The following SCN11A variants were observed in gnomAD, a reference collection of about 807,000 sequenced individuals.
SCN11A encodes sodium voltage-gated channel alpha subunit 11.
SCN11A carries 122 observed loss-of-function variants against 162.2 expected under a neutral mutation model. The ratio of observed to expected loss-of-function variants is 0.75; its 90% CI spans 0.65 to 0.87. The LOEUF (loss-of-function observed/expected upper bound fraction) is 0.87. SCN11A is among the 40% of genes least tolerant of loss of function. The pLI is 0.00. For missense variants in SCN11A, 2,015 were observed against 2,181.6 expected, an observed-to-expected ratio of 0.92 and a Z score of 1.52; for synonymous variants, 758 against 751.5, an observed-to-expected ratio of 1.01 and a Z score of -0.14.
chr3:38,926,774 C>T lies in SCN11A; in HGVS notation c.617+29G>A, dbSNP rs201958672. Reference sequence around the variant, plus strand: ...AAGGGGCTTCTTTCCCACTCCAAGTCTCTTCAAAAACATCTTTAATATTCT... The same window carrying T: ...AAGGGGCTTCTTTCCCACTCCAAGTTTCTTCAAAAACATCTTTAATATTCT... On this transcript the variant is annotated intron_variant, in intron 8 of 29. Transcript: ENST00000302328. The T allele has an allele frequency of 2.5e-5, 40 of 1,607,690 alleles. 1 individual carries two copies. In the East Asian group the frequency reaches 8.9e-4, roughly 36 times the overall value.
In SCN11A at chr3:38,921,197, A is replaced by G. The variant is rs765374120; in HGVS notation, c.771T>C (p.Ile257=). Residue 257 remains isoleucine, a synonymous_variant, in exon 10 of 30, where the codon ATT becomes ATC. Transcript: ENST00000302328. The stretch of plus-strand genomic sequence containing the variant: ...TGCTGAGGCAAAAGAAGGTGAGGAT[A>G]ATCACGTTGACCAGCTTCTTCACAG... The part of the protein sequence containing the change: ...LRSVKKLVNV[I]ILTFFCLSIF... 1 of 1,614,122 alleles carries G rather than the reference A, an allele frequency of 6.2e-7. No homozygotes were observed. The highest frequency in any genetic ancestry group is 8.5e-7 in the Non-Finnish European group (1 of 1,179,956).
Position 38,946,726 on chromosome 3 carries a change from A to G in SCN11A, c.386+63T>C, listed in dbSNP as rs930487003. 20 of 1,044,946 alleles carry G rather than the reference A, an allele frequency of 1.9e-5. No homozygotes were observed. The Admixed American group carries it at 4.0e-4, about 21-fold the overall frequency. The allele number at this position is 1,044,946 out of a possible 1,614,324, so 64.7% of individuals were successfully genotyped here. On this transcript the variant is annotated intron_variant, in intron 6 of 29. Transcript: ENST00000302328. ...TTTGCTTCCATCCAATAACATGAAC[A>G]CCGTGGGGCACGTGCACTTTTCAAA...
At chr3:38,974,167 A>C (rs1386271576) in intron 2 of SCN11A, among the ~76,000 whole-genome samples, 4 of 152,254 alleles carry the variant, frequency 2.6e-5, no homozygotes, top group Admixed American at 2.6e-4. Context: ...AAGAGATCAT[A>C]AAGAATAATC....
chr3:38,951,718 G>C (rs930747613), intron 4 of SCN11A, among the ~76,000 whole-genome samples: 7 of 152,144 alleles, frequency 4.6e-5, no homozygotes, highest in East Asian at 3.9e-4. Context: ...TGCACCAATC[G>C]ACACTCTGTA....
chr3:38,873,501 C>T (rs2065160990), intron 23 of SCN11A, among the ~76,000 whole-genome samples: 1 of 152,108 alleles, frequency 6.6e-6, no homozygotes, highest in South Asian at 2.1e-4. Context: ...TACAATGGCA[C>T]CACTTTTGGA....
chr3:38,917,068 T>C (rs989588595), intron 11 of SCN11A, among the ~76,000 whole-genome samples: 1 of 152,150 alleles, frequency 6.6e-6, no homozygotes, highest in African/African-American at 2.4e-5. Flanking sequence ...TAAAGACCAG[T>C]TGTACATCAT....
intron 14 of SCN11A, among the ~76,000 whole-genome samples, chr3:38,907,334 G>A (rs1330418101): frequency 2.6e-3 from 24 of 9,164 alleles, no homozygotes; most frequent in African/African-American, 3.8e-3. Context: ...GTGTGTGTGT[G>A]TGTGTGTGTA....
chr3:39,023,172 G>A (rs1218458506), intron 2 of SCN11A, among the ~76,000 whole-genome samples: 1 of 152,218 alleles, frequency 6.6e-6, no homozygotes, highest in Non-Finnish European at 1.5e-5. Flanking sequence ...TCTGGAAAGG[G>A]GGAAACTGGA....
rs2064992363 is a variant in SCN11A, at chr3:38,863,228, G to A, written c.4023C>T (p.Ser1341=). The change falls in exon 28 of 30, where the codon TCC becomes TCT. Residue 1341 remains serine, a synonymous_variant. Coordinates refer to ENST00000302328, the MANE Select transcript of SCN11A (RefSeq NM_001349253.2). ...KYYNAMKKLG[S]KKPQKPIPRP... ...GTGGAATGGGTTTTTGAGGTTTTTT[G>A]GATCCTAATTTTTTCATTGCATTAT... 1 of 1,606,132 alleles carries A rather than the reference G, an allele frequency of 6.2e-7. No homozygotes were observed.
chr3:39,005,822 CCT>C (rs1431243132), intron 2 of SCN11A, among the ~76,000 whole-genome samples: 2 of 152,142 alleles, frequency 1.3e-5, no homozygotes, highest in African/African-American at 4.8e-5. Flanking sequence ...AATTTTTTCC[CCT>C]CATTCTGCTT....
chr3:38,970,156 C>T (rs1442090102), intron 2 of SCN11A, among the ~76,000 whole-genome samples: 2 of 152,170 alleles, frequency 1.3e-5, no homozygotes, highest in Non-Finnish European at 2.9e-5. Flanking sequence ...TACTGCACAG[C>T]CCATAGCAAG....
chr3:38,999,989 G>A (rs1428676618), intron 2 of SCN11A, among the ~76,000 whole-genome samples: 1 of 152,162 alleles, frequency 6.6e-6, no homozygotes, highest in Non-Finnish European at 1.5e-5. Flanking sequence ...CATGCTGGCT[G>A]AGGAACTGAC....
intron 12 of SCN11A, 47 bp from the exon 13 acceptor site, chr3:38,909,241 G>A: frequency 6.3e-7 from 1 of 1,589,902 alleles, no homozygotes; most frequent in Non-Finnish European, 8.6e-7. Flanking sequence ...TTCTTCCACA[G>A]GAAAGTGACC....
At chr3:38,886,030 T>C (rs562944363) in intron 20 of SCN11A, 95 bp downstream of exon 20, 5 of 773,990 alleles carry the variant, frequency 6.5e-6, no homozygotes, top group Non-Finnish European at 1.1e-5. Flanking sequence ...TGCAATTTTC[T>C]CTGCATTAAT....
At position 38,950,249 on chromosome 3, in the gene SCN11A, C is replaced by A. The variant is rs1404648003; in HGVS notation, c.114G>T (p.Lys38Asn). ...CTTCTCCTGTCTGGTCTTTAGACTT[C>A]TTTTTCTCCTTTTGGATGGCAATCC... is the stretch of plus-strand genomic sequence containing the variant. ...EKRIAIQKEK[K>N]KSKDQTGEVP... The change falls in exon 5 of 30, where the codon AAG (lysine) becomes AAT (asparagine). Residue 38 changes from lysine to asparagine, a missense_variant. Lys to Asn is a moderately conservative substitution (Grantham distance 94). Coordinates refer to ENST00000302328, the MANE Select transcript of SCN11A (RefSeq NM_001349253.2). 1.2e-6 allele frequency: 2 copies of A among 1,614,054 alleles called. No homozygotes were observed. Among genetic ancestry groups the A allele is most frequent in the South Asian group, 2.2e-5 (2 of 91,082 alleles).
chr3:38,888,771 G>C (rs1030605235), intron 19 of SCN11A, among the ~76,000 whole-genome samples: 1 of 152,154 alleles, frequency 6.6e-6, no homozygotes, highest in Non-Finnish European at 1.5e-5. Context: ...AGTAAGAACA[G>C]CAGAAATTGA....
chr3:39,044,497 C>G (rs1362649042), intron 1 of SCN11A, among the ~76,000 whole-genome samples: 1 of 151,972 alleles, frequency 6.6e-6, no homozygotes, highest in African/African-American at 2.4e-5. Context: ...TGAAATAAAA[C>G]TAGAAATCAA....
chr3:39,045,117 C>T (rs1344150067), intron 1 of SCN11A, among the ~76,000 whole-genome samples: 4 of 152,098 alleles, frequency 2.6e-5, no homozygotes, highest in African/African-American at 9.7e-5. Context: ...AAAACCTGAA[C>T]AAATCAATAA....
Position 38,885,310 on chromosome 3 carries a change from T to A in SCN11A, c.3042A>T (p.Gln1014His), listed in dbSNP as rs1553635601. 6.2e-7 allele frequency: 1 copy of A among 1,610,144 alleles called. No homozygotes were observed. The highest frequency in any genetic ancestry group is 8.5e-7 in the Non-Finnish European group (1 of 1,176,348). ...TACCTTTGGGCAAACATCTCTCTGG[T>A]TGCTTTTTGGGAACCATCTCAGGTA... The part of the protein sequence containing the change: ...GWLPEMVPKK[Q>H]PERCLPKGFG... Residue 1014 changes from glutamine (Q) to histidine (H), a missense_variant, in exon 21 of 30, where the codon CAA becomes CAT. Gln to His is a conservative substitution (Grantham distance 24). Transcript: ENST00000302328.
Sources: allele counts gnomAD v4.1 joint callset (sites outside exome capture counted in the v4.1 genomes callset), GRCh38; gene constraint gnomAD v4.1.1; transcripts MANE v1.5; gene names NCBI Gene and HGNC (gene_info 2026-07-23, HGNC 2026-07-21).